CCSER2: variants seen among roughly 807,000 people sequenced by gnomAD.
CCSER2 encodes the protein serine-rich coiled-coil domain-containing protein 2.
A neutral mutation model predicts 92.3 loss-of-function variants in CCSER2; 46 were observed. That is an observed-to-expected ratio of 0.50 (90% confidence interval 0.39 to 0.64). The LOEUF is 0.64. Ranked by LOEUF, CCSER2 falls within the 30% of genes least tolerant of loss-of-function variation. The pLI, the probability that CCSER2 is intolerant of heterozygous loss-of-function variation, is 0.00. For synonymous variants in CCSER2, 433 were observed against 431.4 expected (o/e 1.00, Z -0.04); for missense variants, 1,244 against 1,238.9 (o/e 1.00, Z -0.06).
rs774115617 is a variant in CCSER2 at position 84,371,399 on chromosome 10, G to A, written c.347G>A (p.Ser116Asn). Reference sequence around the variant, plus strand: ...AATGGGATAAAGGGAGGTTTGAAAAGTGTTTCTTTATTCACATCAAAGTTA... The same window carrying A: ...AATGGGATAAAGGGAGGTTTGAAAAATGTTTCTTTATTCACATCAAAGTTA... ...DKNGIKGGLKSVSLFTSKLAK... is the reference protein window; with the variant it reads ...DKNGIKGGLKNVSLFTSKLAK... The change falls in exon 2 of 10, where the codon AGT (serine) becomes AAT (asparagine). Residue 116 changes from serine to asparagine, a missense_variant. Ser to Asn is a conservative substitution (Grantham distance 46). Transcript: ENST00000372088. 2.5e-6 allele frequency: 4 copies of A among 1,613,508 alleles called. No individual in the cohort carries two copies. The South Asian group carries it at 3.3e-5, about 13-fold the overall frequency.
chr10:84,380,653 A>G (rs1840849829), intron 3 of CCSER2, among the ~76,000 whole-genome samples: 1 of 150,770 alleles, frequency 6.6e-6, no homozygotes, highest in Non-Finnish European at 1.5e-5. Flanking sequence ...CACCTCTGTC[A>G]TGTACTAGCT....
At chr10:84,388,877 C>T (rs925382172) in intron 3 of CCSER2, among the ~76,000 whole-genome samples, 8 of 152,186 alleles carry the variant, frequency 5.3e-5, no homozygotes, top group Non-Finnish European at 8.8e-5. Context: ...TGCTCATTTG[C>T]CTGCTGCTCA....
chr10:84,463,614 A>G (rs181820093), intron 6 of CCSER2, among the ~76,000 whole-genome samples: 4 of 152,302 alleles, frequency 2.6e-5, no homozygotes, highest in Non-Finnish European at 5.9e-5. Flanking sequence ...CACTTTTCCT[A>G]GGTGAAACAG....
chr10:84,504,235 G>A (rs373171063), intron 9 of CCSER2, among the ~76,000 whole-genome samples: 38 of 151,410 alleles, frequency 2.5e-4, no homozygotes, highest in African/African-American at 7.8e-4. Context: ...CTTTAAATAT[G>A]AAGGCTAAGA....
chr10:84,460,087 A>ATTTTTTTTTTT (rs34335757), intron 6 of CCSER2, among the ~76,000 whole-genome samples: 1 of 103,284 alleles, frequency 9.7e-6, no homozygotes, highest in Admixed American at 1.2e-4. Context: ...TGATTCTTCG[A>ATTTTTTTTTTT]TTTTTTTTTT....
At chr10:84,392,490 A>G (rs1169950464) in intron 3 of CCSER2, among the ~76,000 whole-genome samples, 1 of 152,108 alleles carries the variant, frequency 6.6e-6, no homozygotes, top group Non-Finnish European at 1.5e-5. Flanking sequence ...GGAGTTACAA[A>G]TAGTAAAGAA....
At chr10:84,503,982 A>G (rs986582021) in intron 9 of CCSER2, among the ~76,000 whole-genome samples, 3 of 152,210 alleles carry the variant, frequency 2.0e-5, no homozygotes, top group Admixed American at 1.3e-4. Context: ...TTTATTTTAC[A>G]TGACAGCCCA....
chr10:84,391,753 T>G (rs1469016207), intron 3 of CCSER2: 5 of 1,524,514 alleles, frequency 3.3e-6, no homozygotes, highest in Non-Finnish European at 3.6e-6. Flanking sequence ...TACAGCAGTA[T>G]GAAGACCCTG....
At chr10:84,365,750 A>G (rs1400546287) in intron 1 of CCSER2, among the ~76,000 whole-genome samples, 2 of 152,240 alleles carry the variant, frequency 1.3e-5, no homozygotes, top group Admixed American at 6.5e-5. Flanking sequence ...AAATAGAGGC[A>G]TAGAGAAAGG....
chr10:84,410,968 A>G (rs940211933), intron 3 of CCSER2, among the ~76,000 whole-genome samples: 1 of 152,168 alleles, frequency 6.6e-6, no homozygotes, highest in Non-Finnish European at 1.5e-5. Context: ...GTCCAGTTTC[A>G]ATTTTCTGCG....
intron 1 of CCSER2, among the ~76,000 whole-genome samples, chr10:84,348,986 T>G (rs1473250882): frequency 2.0e-5 from 3 of 152,164 alleles, no homozygotes; most frequent in Non-Finnish European, 2.9e-5. Context: ...AAAAAAAAAT[T>G]GTACAGTATG....
chr10:84,481,290 T>A (rs868467917), intron 9 of CCSER2, among the ~76,000 whole-genome samples: 1 of 152,196 alleles, frequency 6.6e-6, no homozygotes, highest in Admixed American at 6.5e-5. Flanking sequence ...TTACAAATTC[T>A]TTCTTCCTCC....
At chr10:84,349,355 TTCTC>T (rs1844732118) in intron 1 of CCSER2, among the ~76,000 whole-genome samples, 1 of 152,192 alleles carries the variant, frequency 6.6e-6, no homozygotes, top group African/African-American at 2.4e-5. Flanking sequence ...GTCCTGTAGT[TTCTC>T]TCTCCCCTAT....
At chr10:84,362,164 C>T (rs1845536902) in intron 1 of CCSER2, among the ~76,000 whole-genome samples, 2 of 152,064 alleles carry the variant, frequency 1.3e-5, no homozygotes, top group African/African-American at 4.8e-5. Flanking sequence ...TGCTGGATCT[C>T]CTATGGCCCT....
At chr10:84,397,509 A>G (rs1309992573) in intron 3 of CCSER2, among the ~76,000 whole-genome samples, 1 of 152,200 alleles carries the variant, frequency 6.6e-6, no homozygotes, top group East Asian at 1.9e-4. Flanking sequence ...CACTCAATAC[A>G]TTCATTTTCT....
At chr10:84,471,928 T>A (rs1221634997) in intron 8 of CCSER2, among the ~76,000 whole-genome samples, 5 of 152,096 alleles carry the variant, frequency 3.3e-5, no homozygotes, top group Admixed American at 3.3e-4. Flanking sequence ...AGTACTGAAT[T>A]TTTTATCTTC....
chr10:84,475,517 A>G (rs1847087392), intron 8 of CCSER2, among the ~76,000 whole-genome samples: 2 of 152,322 alleles, frequency 1.3e-5, no homozygotes, highest in South Asian at 4.1e-4. Flanking sequence ...TGATGGTACA[A>G]AAGTGATACT....
At chr10:84,489,484 A>G (rs1848016798) in intron 9 of CCSER2, among the ~76,000 whole-genome samples, 1 of 152,120 alleles carries the variant, frequency 6.6e-6, no homozygotes, top group Non-Finnish European at 1.5e-5. Context: ...TCCCTTTACC[A>G]TTATGTAATG....
chr10:84,454,491 T>G (rs367855367), intron 6 of CCSER2, among the ~76,000 whole-genome samples: 121 of 152,312 alleles, frequency 7.9e-4, no homozygotes, highest in African/African-American at 2.8e-3. Flanking sequence ...GGTGTGCAGT[T>G]TTTTTTAAGT....
Sources: allele counts gnomAD v4.1 joint callset (sites outside exome capture counted in the v4.1 genomes callset), GRCh38; gene constraint gnomAD v4.1.1; transcripts MANE v1.5; gene names NCBI Gene and HGNC (gene_info 2026-07-23, HGNC 2026-07-21).